Variants in GTF3C1 observed in about 807,000 individuals in gnomAD.
The protein encoded by GTF3C1 is general transcription factor 3C polypeptide 1.
In GTF3C1, 57 loss-of-function variants were observed where a neutral mutation model predicts 226.7. That is an observed-to-expected ratio of 0.25 (90% CI 0.20 to 0.31). The LOEUF is 0.31. Among genes scored for constraint, GTF3C1 ranks in the 10% least tolerant of loss-of-function variants. The pLI is 1.00. For missense variants in GTF3C1, 2,217 were observed against 2,776.1 expected, an observed-to-expected ratio of 0.80 and a Z score of 4.53; for synonymous variants, 1,090 against 1,084.8, an observed-to-expected ratio of 1.00 and a Z score of -0.09.
At chr16:27,519,907 G>A (rs1458411843) in intron 6 of GTF3C1, among the ~76,000 whole-genome samples, 1 of 152,090 alleles carries the variant, frequency 6.6e-6, no homozygotes, top group Non-Finnish European at 1.5e-5. Flanking sequence ...AAGAGTTCGC[G>A]ACTGGCATGG....
intron 29 of GTF3C1, among the ~76,000 whole-genome samples, chr16:27,476,248 G>A (rs774296117): frequency 3.9e-5 from 6 of 152,142 alleles, no homozygotes; most frequent in Admixed American, 1.3e-4. Flanking sequence ...TCCTCCAGTT[G>A]TATAACATAA....
chr16:27,497,705 C>T lies in GTF3C1; in HGVS notation c.2282G>A (p.Ser761Asn), dbSNP rs760193743. Reference protein sequence around the residue: ...SQLSASSRSESGRMKKSDNKM... With the variant: ...SQLSASSRSENGRMKKSDNKM... ...ATTATCACTTTTTTTCATCCGTCCA[C>T]TTTCTGATCTAGAGGAAGCACTCAG... Residue 761 changes from serine (S) to asparagine (N), a missense_variant, in exon 14 of 37, where the codon AGT (serine) becomes AAT (asparagine). Around this residue, in one of 12 missense-constraint regions of GTF3C1, gnomAD observed 100 missense variants for 139.9 expected, o/e 0.71. Transcript: ENST00000356183. The T allele has an allele frequency of 6.2e-7, 1 of 1,614,110 alleles. No homozygotes were observed. Among genetic ancestry groups the T allele is most frequent in the Non-Finnish European group, 8.5e-7 (1 of 1,179,952 alleles).
chr16:27,509,757 C>CAAAAAA (rs770402001), intron 7 of GTF3C1, among the ~76,000 whole-genome samples: 1 of 58,820 alleles, frequency 1.7e-5, no homozygotes, highest in Non-Finnish European at 4.0e-5. Context: ...GACTCCGTCT[C>CAAAAAA]AAAAAAAAAA....
In GTF3C1 at chr16:27,545,385, C is replaced by T. The variant is rs749402234; in HGVS notation, c.360G>A (p.Arg120=). The T allele has an allele frequency of 1.9e-6, 3 of 1,613,784 alleles. No individual in the cohort carries two copies. The highest frequency in any genetic ancestry group is 4.5e-5 in the East Asian group (2 of 44,900). ...IQGSCRYFKE[R]KNITNDIRTK... is the part of the protein sequence containing the mutation. ...TTCTGATGTCATTGGTAATGTTTTTCCTCTCCTTAAAGTAGCGGCATGAGC... is the reference window on the plus strand; with the variant it reads ...TTCTGATGTCATTGGTAATGTTTTTTCTCTCCTTAAAGTAGCGGCATGAGC... The change falls in exon 2 of 37, where the codon AGG becomes AGA. Residue 120 remains arginine, a synonymous_variant. Coordinates refer to ENST00000356183, the MANE Select transcript of GTF3C1 (RefSeq NM_001520.4).
In GTF3C1 at chr16:27,511,790, A is replaced by G; in HGVS notation, c.1085T>C (p.Ile362Thr). The G allele has an allele frequency of 6.2e-7, 1 of 1,614,128 alleles. No individual in the cohort carries two copies. Among genetic ancestry groups the G allele is most frequent in the Non-Finnish European group, 8.5e-7 (1 of 1,180,006 alleles). The change falls in exon 7 of 37, where the codon ATT (isoleucine) becomes ACT (threonine). Residue 362 changes from isoleucine (I) to threonine (T), a missense_variant. Coordinates refer to ENST00000356183, the MANE Select transcript of GTF3C1 (RefSeq NM_001520.4). ...TGTGAGCATATCCCGCTCGAACACA[A>G]TGTCCACTGGAGGCACTGTCTTGGA... ...VISKTVPPVDIVFERDMLTQT... is the reference protein window; with the variant it reads ...VISKTVPPVDTVFERDMLTQT...
chr16:27,480,028 G>A (rs1396757535), intron 27 of GTF3C1, among the ~76,000 whole-genome samples: 3 of 151,730 alleles, frequency 2.0e-5, no homozygotes, highest in East Asian at 1.9e-4. Context: ...GTGAAACCCC[G>A]TCTCTACTAA....
chr16:27,478,539 A>G lies in GTF3C1; in HGVS notation c.4197-8T>C, dbSNP rs759403898. 2 of 1,604,660 alleles carry G rather than the reference A, an allele frequency of 1.2e-6. No individual in the cohort carries two copies. The highest frequency in any genetic ancestry group is 2.2e-5 in the South Asian group (2 of 90,902). On this transcript the variant is annotated splice_region_variant and splice_polypyrimidine_tract_variant and intron_variant, in intron 27 of 36. Transcript: ENST00000356183. ...ATTGCCAAAACTCGGTACCTGCAAAAGAAACATAACAGCATGTCAGTGAAA... is the reference window on the plus strand; with the variant it reads ...ATTGCCAAAACTCGGTACCTGCAAAGGAAACATAACAGCATGTCAGTGAAA...
intron 29 of GTF3C1, among the ~76,000 whole-genome samples, chr16:27,474,195 T>C (rs2087919054): frequency 6.6e-6 from 1 of 152,174 alleles, no homozygotes; most frequent in African/African-American, 2.4e-5. Flanking sequence ...TAAAGAAGTG[T>C]CCTGTTTCCT....
chr16:27,530,531 T>C (rs1459066484), intron 5 of GTF3C1, among the ~76,000 whole-genome samples: 2 of 152,188 alleles, frequency 1.3e-5, no homozygotes, highest in Non-Finnish European at 2.9e-5. Context: ...TCCATATTCA[T>C]GGCCTCAGCT....
At chr16:27,482,411 G>A (rs2088066514) in intron 26 of GTF3C1, 4 of 448,512 alleles carry the variant, frequency 8.9e-6, no homozygotes, top group Non-Finnish European at 1.4e-5. Flanking sequence ...AAGCATTGCT[G>A]AGCCTCCTCC....
chr16:27,527,034 G>A (rs377658990), intron 6 of GTF3C1, among the ~76,000 whole-genome samples: 1 of 152,164 alleles, frequency 6.6e-6, no homozygotes, highest in Non-Finnish European at 1.5e-5. Flanking sequence ...GCAAGACTTC[G>A]TCTCTACTGA....
At chr16:27,484,422 A>C in intron 24 of GTF3C1, 69 bp from the exon 25 acceptor site, 1 of 1,105,926 alleles carries the variant, frequency 9.0e-7, no homozygotes, top group Non-Finnish European at 1.4e-6. Flanking sequence ...GAATTACCAT[A>C]AAAAAGTGGA....
chr16:27,491,126 T>G (rs2088226999), intron 19 of GTF3C1, among the ~76,000 whole-genome samples: 1 of 152,220 alleles, frequency 6.6e-6, no homozygotes, highest in Non-Finnish European at 1.5e-5. Context: ...TCTGGACCCA[T>G]GAAAGTTTCT....
intron 6 of GTF3C1, among the ~76,000 whole-genome samples, chr16:27,528,145 G>C (rs1308933671): frequency 6.6e-6 from 1 of 152,120 alleles, no homozygotes; most frequent in African/African-American, 2.4e-5. Flanking sequence ...CATGGTGGCG[G>C]GCACCTGCAG....
intron 4 of GTF3C1, among the ~76,000 whole-genome samples, chr16:27,535,347 CGTATCACCTGAGGTCAGG>C (rs2088984555): frequency 6.6e-6 from 1 of 151,980 alleles, no homozygotes; most frequent in South Asian, 2.1e-4. Flanking sequence ...CCGAGGTGGG[CGTATCACCTGAGGTCAGG>C]AGTTCGAGAC....
At chr16:27,490,080 C>T (rs1389318415) in intron 19 of GTF3C1, among the ~76,000 whole-genome samples, 1 of 152,166 alleles carries the variant, frequency 6.6e-6, no homozygotes, top group Admixed American at 6.5e-5. Flanking sequence ...GCCTTCCTGC[C>T]TCCTGGAAAG....
Position 27,492,561 on chromosome 16 carries a change from G to A in GTF3C1, c.2974-46C>T, listed in dbSNP as rs774202514. 1 of 1,546,002 alleles carries A rather than the reference G, an allele frequency of 6.5e-7. No individual in the cohort carries two copies. Among genetic ancestry groups the A allele is most frequent in the South Asian group, 1.1e-5 (1 of 89,750 alleles). On this transcript the variant is annotated intron_variant, in intron 18 of 36. Transcript: ENST00000356183. This position sits in a 1 kb window ranked among gnomAD's most constrained non-coding sequence, Gnocchi z 5.0. ...GGGAGAACCCACATTGGGTCTGGCT[G>A]CTTGGAGACCGTTTAACAATCAGAA... is the stretch of plus-strand genomic sequence containing the variant.
chr16:27,532,912 T>A (rs749314530), intron 5 of GTF3C1, among the ~76,000 whole-genome samples: 3 of 152,164 alleles, frequency 2.0e-5, no homozygotes, highest in Non-Finnish European at 2.9e-5. Flanking sequence ...GACAGAAGGA[T>A]ACTTGAGGTC....
chr16:27,476,172 T>C (rs2087947243), intron 29 of GTF3C1, among the ~76,000 whole-genome samples: 1 of 152,152 alleles, frequency 6.6e-6, no homozygotes, highest in African/African-American at 2.4e-5. Context: ...AGGTACTATG[T>C]GGGGTGATGG....
Sources: allele counts gnomAD v4.1 joint callset (sites outside exome capture counted in the v4.1 genomes callset), GRCh38; gene constraint gnomAD v4.1.1; regional missense constraint gnomAD v4.1.1; non-coding constraint Gnocchi (gnomAD v3.1); transcripts MANE v1.5; gene names NCBI Gene and HGNC (gene_info 2026-07-23, HGNC 2026-07-21).